Variants in MEGF9 observed in about 807,000 individuals in gnomAD.
MEGF9 encodes multiple EGF like domains 9, also known as multiple epidermal growth factor-like domains protein 9.
MEGF9 carries 6 observed loss-of-function variants against 46.8 expected under a neutral mutation model. That is an observed-to-expected ratio of 0.13 (90% CI 0.07 to 0.25). The LOEUF is 0.25. Ranked by LOEUF, MEGF9 falls within the 10% of genes least tolerant of loss-of-function variation. The pLI is 1.00. For missense variants in MEGF9, 683 were observed against 792.4 expected (o/e 0.86, Z 1.66); for synonymous variants, 302 against 330.7 (o/e 0.91, Z 0.94).
intron 2 of MEGF9, among the ~76,000 whole-genome samples, chr9:120,633,128 C>G (rs1391048806): frequency 6.6e-6 from 1 of 152,064 alleles, no homozygotes; most frequent in African/African-American, 2.4e-5. Context: ...GGAGAATTCC[C>G]TTCTCTTTGA....
chr9:120,687,073 AT>A (rs1428715329), intron 1 of MEGF9, among the ~76,000 whole-genome samples: 3 of 152,216 alleles, frequency 2.0e-5, no homozygotes, highest in African/African-American at 7.2e-5. Context: ...TCCAAAAAAA[AT>A]ATCTAATTTT....
intron 1 of MEGF9, among the ~76,000 whole-genome samples, chr9:120,692,661 T>C (rs2043854517): frequency 6.6e-6 from 1 of 152,140 alleles, no homozygotes; most frequent in Admixed American, 6.5e-5. Context: ...TCATTCCCTG[T>C]TCCACCTTCA....
rs772973859 is a variant in MEGF9, at chr9:120,612,588, CA to C, written c.944-50del. The C allele has an allele frequency of 2.6e-6, 4 of 1,514,832 alleles. No individual in the cohort carries two copies. In the South Asian group the frequency reaches 5.1e-5, roughly 19 times the overall value. 93.8% of individuals were successfully genotyped at this position (1,514,832 alleles called of 1,614,324 possible). A position where few individuals can be genotyped will look rare whatever the true frequency, so the allele number is the denominator to read the frequency against. Reference sequence around the variant, plus strand: ...AAAGTTAAAGATTTACCTTGAAAGCCAAGTAACTTTCAAAAATCATGCCTGC... The same window carrying C: ...AAAGTTAAAGATTTACCTTGAAAGCCAGTAACTTTCAAAAATCATGCCTGC... On this transcript the variant is annotated intron_variant, in intron 3 of 5. Transcript: ENST00000373930.
chr9:120,659,119 A>T (rs2043690196), intron 2 of MEGF9, among the ~76,000 whole-genome samples: 1 of 152,194 alleles, frequency 6.6e-6, no homozygotes, highest in Non-Finnish European at 1.5e-5. Context: ...TTTCCCATGA[A>T]ATTTACAGAA....
At chr9:120,654,715 G>T (rs1382428549) in intron 2 of MEGF9, among the ~76,000 whole-genome samples, 2 of 152,014 alleles carry the variant, frequency 1.3e-5, no homozygotes, top group Non-Finnish European at 2.9e-5. Context: ...TCTTCATGAG[G>T]TATCCCAAAA....
intron 1 of MEGF9, among the ~76,000 whole-genome samples, chr9:120,663,748 CTCTT>C (rs2043713225): frequency 6.6e-6 from 1 of 152,166 alleles, no homozygotes; most frequent in Non-Finnish European, 1.5e-5. Context: ...ATGGAATAAA[CTCTT>C]TATCGTGTGA....
intron 1 of MEGF9, among the ~76,000 whole-genome samples, chr9:120,692,423 T>C (rs1437869531): frequency 6.6e-6 from 1 of 152,238 alleles, no homozygotes; most frequent in East Asian, 1.9e-4. Context: ...AAATTAATGA[T>C]GGAAAAGATT....
intron 2 of MEGF9, among the ~76,000 whole-genome samples, chr9:120,627,628 A>G (rs2043530989): frequency 6.6e-6 from 1 of 152,072 alleles, no homozygotes; most frequent in Non-Finnish European, 1.5e-5. Flanking sequence ...ACGCCCGGCT[A>G]ATTTTTGTAT....
At chr9:120,679,204 G>T (rs914864584) in intron 1 of MEGF9, among the ~76,000 whole-genome samples, 1 of 152,130 alleles carries the variant, frequency 6.6e-6, no homozygotes, top group Non-Finnish European at 1.5e-5. Flanking sequence ...ATTCACAATA[G>T]CAAAGACTTG....
chr9:120,639,379 T>C (rs918978845), intron 2 of MEGF9, among the ~76,000 whole-genome samples: 1 of 151,764 alleles, frequency 6.6e-6, no homozygotes, highest in Non-Finnish European at 1.5e-5. Flanking sequence ...CATGGCGGCA[T>C]GCGCTTGTAA....
At chr9:120,640,737 C>T (rs960571458) in intron 2 of MEGF9, among the ~76,000 whole-genome samples, 4 of 151,932 alleles carry the variant, frequency 2.6e-5, no homozygotes, top group Non-Finnish European at 5.9e-5. Flanking sequence ...CGACTTTTTT[C>T]AGGGGCTACA....
In MEGF9 at chr9:120,659,417, A is replaced by G. The variant is rs2043691800; in HGVS notation, c.760T>C (p.Cys254Arg). The change falls in exon 2 of 6, where the codon TGT (cysteine) becomes CGT (arginine). Residue 254 changes from cysteine (C) to arginine (R), a missense_variant. By Grantham distance (180) the Cys-to-Arg change is radical. Coordinates refer to ENST00000373930, the MANE Select transcript of MEGF9 (RefSeq NM_001080497.3). ...LNYTSGLCQP[C>R]DCSPHGALSI... is the part of the protein sequence containing the mutation. ...AGAGCTCCATGTGGACTACAGTCACATGGCTGACAGAGCCCAGAAGTGTAA... is the reference window on the plus strand; with the variant it reads ...AGAGCTCCATGTGGACTACAGTCACGTGGCTGACAGAGCCCAGAAGTGTAA... 4 of 1,613,770 alleles carry G rather than the reference A, an allele frequency of 2.5e-6. No homozygotes were observed. The highest frequency in any genetic ancestry group is 1.7e-5 in the Admixed American group (1 of 59,986).
intron 1 of MEGF9, among the ~76,000 whole-genome samples, chr9:120,688,956 G>A (rs190567733): frequency 6.6e-6 from 1 of 152,096 alleles, no homozygotes; most frequent in South Asian, 2.1e-4. Flanking sequence ...TTAATCACTG[G>A]TTCAATCATC....
chr9:120,684,302 C>A (rs1355392706), intron 1 of MEGF9, among the ~76,000 whole-genome samples: 1 of 152,156 alleles, frequency 6.6e-6, no homozygotes, highest in Non-Finnish European at 1.5e-5. Context: ...AATAAACACT[C>A]CAAGGTCGAA....
At chr9:120,637,659 G>GT (rs2043584048) in intron 2 of MEGF9, among the ~76,000 whole-genome samples, 1 of 151,162 alleles carries the variant, frequency 6.6e-6, no homozygotes, top group Admixed American at 6.6e-5. Context: ...GGGCATGGTG[G>GT]TGGGTGCCTG....
chr9:120,674,593 G>T (rs1295484946), intron 1 of MEGF9, among the ~76,000 whole-genome samples: 1 of 151,404 alleles, frequency 6.6e-6, no homozygotes, highest in African/African-American at 2.4e-5. Context: ...TTTTGAGACA[G>T]GATCTCACTT....
At chr9:120,713,278 C>A (rs2043961252) in intron 1 of MEGF9, among the ~76,000 whole-genome samples, 1 of 152,194 alleles carries the variant, frequency 6.6e-6, no homozygotes, top group African/African-American at 2.4e-5. Flanking sequence ...TCTCTTCCAC[C>A]TGTCATACAC....
chr9:120,680,478 T>C (rs1329270279), intron 1 of MEGF9, among the ~76,000 whole-genome samples: 2 of 152,090 alleles, frequency 1.3e-5, no homozygotes, highest in African/African-American at 4.8e-5. Context: ...CCCAAATAAA[T>C]GAAGTCTCTC....
In MEGF9 at chr9:120,622,713, T is replaced by C. The variant is rs537837527; in HGVS notation, c.846A>G (p.Ile282Met). 1.4e-5 allele frequency: 23 copies of C among 1,613,822 alleles called. No homozygotes were observed. Among genetic ancestry groups the C allele is most frequent in the East Asian group, 2.2e-5 (1 of 44,858 alleles). ...CQCKVGVIGSICDRCQDGYYG... is the reference protein window; with the variant it reads ...CQCKVGVIGSMCDRCQDGYYG... ...AATATCCATCTTGGCATCGGTCACATATAGAGCCAATGACACCCACTTTGC... is the reference window on the plus strand; with the variant it reads ...AATATCCATCTTGGCATCGGTCACACATAGAGCCAATGACACCCACTTTGC... The change falls in exon 3 of 6, where the codon ATA becomes ATG. Residue 282 changes from isoleucine to methionine, a missense_variant. By Grantham distance (10) the Ile-to-Met change is conservative. Around this residue, in one of 2 missense-constraint regions of MEGF9, gnomAD observed 313 missense variants for 421.1 expected, o/e 0.74. Transcript: ENST00000373930.
Sources: gnomAD v4.1 joint callset for allele counts (sites outside exome capture counted in the v4.1 genomes callset) on GRCh38, gnomAD v4.1.1 for gene constraint, gnomAD v4.1.1 regional missense constraint, MANE v1.5 for transcripts, NCBI Gene and HGNC (gene_info 2026-07-23, HGNC 2026-07-21) for gene names.